Variants in ARHGAP22 observed in about 807,000 individuals in gnomAD.
ARHGAP22 encodes rho GTPase-activating protein 22.
ARHGAP22 carries 48 observed loss-of-function variants against 59.1 expected under a neutral mutation model. That is an observed-to-expected ratio of 0.81 (90% CI 0.64 to 1.03). The LOEUF is 1.03. Ranked by LOEUF, ARHGAP22 falls within the 50% of genes least tolerant of loss-of-function variation. The pLI is 0.00. For missense variants in ARHGAP22, 1,015 were observed against 958.7 expected, an observed-to-expected ratio of 1.06 and a Z score of -0.78; for synonymous variants, 445 against 416.4, an observed-to-expected ratio of 1.07 and a Z score of -0.84.
intron 3 of ARHGAP22, among the ~76,000 whole-genome samples, chr10:48,508,522 A>G (rs1722975795): frequency 6.6e-6 from 1 of 152,252 alleles, no homozygotes; most frequent in South Asian, 2.1e-4. Flanking sequence ...GGCATGGGCC[A>G]GGACCAGCAA....
At chr10:48,597,381 C>A (rs113918162) in intron 1 of ARHGAP22, among the ~76,000 whole-genome samples, 204 of 152,150 alleles carry the variant, frequency 1.3e-3, no homozygotes, top group African/African-American at 4.6e-3. Context: ...AGAGAAGCAG[C>A]AAGCAGGAGA....
chr10:48,604,899 G>C lies in ARHGAP22; in HGVS notation c.-103C>G. The C allele has an allele frequency of 6.3e-7, 1 of 1,589,058 alleles. No homozygotes were observed. The highest frequency in any genetic ancestry group is 1.7e-5 in the Admixed American group (1 of 58,436). ...GTCGCCCCTCATGTCCTGCTCGTTC[G>C]GGGCCCCGTGGCCGCTGGCGTCACC... On this transcript the variant is annotated 5_prime_UTR_variant, in exon 1 of 10. Transcript: ENST00000249601.
intron 1 of ARHGAP22, among the ~76,000 whole-genome samples, chr10:48,649,507 A>G (rs1405270814): frequency 6.6e-6 from 1 of 152,218 alleles, no homozygotes; most frequent in Non-Finnish European, 1.5e-5. Context: ...GGGTATGGGC[A>G]GAGGCCACCG....
At position 48,446,199 on chromosome 10, in the gene ARHGAP22, G is replaced by T; in HGVS notation, c.*192C>A. Reference sequence around the variant, plus strand: ...GACCCTCACCAGGAACTGCATGGTTGGAGCAGCATCTGATCCCACCTGGAG... The same window carrying T: ...GACCCTCACCAGGAACTGCATGGTTTGAGCAGCATCTGATCCCACCTGGAG... On this transcript the variant is annotated 3_prime_UTR_variant, in exon 10 of 10. Coordinates refer to ENST00000249601, the MANE Select transcript of ARHGAP22 (RefSeq NM_021226.4). 1 of 617,416 alleles carries T rather than the reference G, an allele frequency of 1.6e-6. No homozygotes were observed. Among genetic ancestry groups the T allele is most frequent in the East Asian group, 2.7e-5 (1 of 36,394 alleles). 38.2% of individuals were successfully genotyped at this position (617,416 alleles called of 1,614,324 possible). A position where few individuals can be genotyped will look rare whatever the true frequency, so the allele number is the denominator to read the frequency against.
chr10:48,436,204 A>G, the ARHGAP22 span: 4 of 152,214 alleles, frequency 2.6e-5, no homozygotes, highest in Non-Finnish European at 4.4e-5. Flanking sequence ...TTTTCTAAGG[A>G]CTGTTTCTTC....
At chr10:48,612,700 G>C (rs575334112) in intron 1 of ARHGAP22, among the ~76,000 whole-genome samples, 1 of 152,280 alleles carries the variant, frequency 6.6e-6, no homozygotes, top group South Asian at 2.1e-4. Flanking sequence ...TCTGGCTTTA[G>C]CTGATTTGGA....
At chr10:48,501,073 G>A (rs2051468398) in intron 3 of ARHGAP22, among the ~76,000 whole-genome samples, 1 of 152,094 alleles carries the variant, frequency 6.6e-6, no homozygotes, top group Non-Finnish European at 1.5e-5. Context: ...AGAAAAGAAA[G>A]TGAAAAGACA....
intron 1 of ARHGAP22, among the ~76,000 whole-genome samples, chr10:48,593,768 C>T (rs1339174778): frequency 6.6e-6 from 1 of 152,140 alleles, no homozygotes; most frequent in South Asian, 2.1e-4. Context: ...ACTGCAAACA[C>T]GATACTGTGG....
At chr10:48,627,405 T>A (rs2061489536) in intron 1 of ARHGAP22, among the ~76,000 whole-genome samples, 1 of 152,272 alleles carries the variant, frequency 6.6e-6, no homozygotes, top group Non-Finnish European at 1.5e-5. Flanking sequence ...AGAGCTAATG[T>A]CAGAATTGAA....
chr10:48,586,187 C>T (rs1458547131), intron 1 of ARHGAP22, among the ~76,000 whole-genome samples: 3 of 152,146 alleles, frequency 2.0e-5, no homozygotes, highest in Admixed American at 2.0e-4. Flanking sequence ...TTGGCACTCT[C>T]CTTAATGTGA....
chr10:48,513,595 C>A (rs529865883), intron 3 of ARHGAP22, among the ~76,000 whole-genome samples: 1 of 152,310 alleles, frequency 6.6e-6, no homozygotes, highest in South Asian at 2.1e-4. Context: ...TGGGTGACTG[C>A]ATACAACAGG....
intron 3 of ARHGAP22, among the ~76,000 whole-genome samples, chr10:48,491,773 A>C (rs2050417618): frequency 6.6e-6 from 1 of 152,246 alleles, no homozygotes; most frequent in Admixed American, 6.5e-5. Flanking sequence ...AAGCAGTATC[A>C]CTATTCCCAT....
At chr10:48,499,634 T>A (rs1220471298) in intron 3 of ARHGAP22, among the ~76,000 whole-genome samples, 1 of 152,212 alleles carries the variant, frequency 6.6e-6, no homozygotes, top group African/African-American at 2.4e-5. Context: ...TGGAAAACTA[T>A]GAAAGCTGGA....
At chr10:48,497,280 T>C (rs144151073) in intron 3 of ARHGAP22, among the ~76,000 whole-genome samples, 27 of 152,294 alleles carry the variant, frequency 1.8e-4, no homozygotes, top group African/African-American at 6.5e-4. Context: ...CTCCCCAGGG[T>C]AGGCCTTGGG....
intron 3 of ARHGAP22, among the ~76,000 whole-genome samples, chr10:48,542,119 A>T (rs190351728): frequency 2.6e-5 from 4 of 152,212 alleles, no homozygotes; most frequent in Admixed American, 2.6e-4. Flanking sequence ...TGAGATGAGG[A>T]CCATGATAAG....
At chr10:48,628,342 T>C (rs889939121) in intron 1 of ARHGAP22, among the ~76,000 whole-genome samples, 1 of 152,206 alleles carries the variant, frequency 6.6e-6, no homozygotes, top group African/African-American at 2.4e-5. Context: ...GATTCACACA[T>C]ATGGCCACCC....
chr10:48,581,595 T>C (rs2059126447), intron 2 of ARHGAP22, among the ~76,000 whole-genome samples: 1 of 152,248 alleles, frequency 6.6e-6, no homozygotes, highest in African/African-American at 2.4e-5. Context: ...ATCTGTGCTA[T>C]TATTTGTGTA....
chr10:48,573,593 T>C (rs2058529880), intron 2 of ARHGAP22, among the ~76,000 whole-genome samples: 1 of 152,268 alleles, frequency 6.6e-6, no homozygotes, highest in Non-Finnish European at 1.5e-5. Flanking sequence ...TGCAACTTCC[T>C]TTTTATAATT....
chr10:48,479,897 A>C, intron 3 of ARHGAP22, 133 bp from the exon 4 acceptor site: 1 of 861,534 alleles, frequency 1.2e-6, no homozygotes, highest in South Asian at 1.9e-5. Flanking sequence ...CTTTGCTTTT[A>C]TCTCACAGTC....
Sources: gnomAD v4.1 joint callset for allele counts (sites outside exome capture counted in the v4.1 genomes callset) on GRCh38, gnomAD v4.1.1 for gene constraint, MANE v1.5 for transcripts, NCBI Gene and HGNC (gene_info 2026-07-23, HGNC 2026-07-21) for gene names.